The following SYNE1 variants were observed in gnomAD, a reference collection of about 807,000 sequenced individuals.
The protein encoded by SYNE1 is nesprin-1.
In SYNE1, 616 loss-of-function variants were observed where a neutral mutation model predicts 1,111.0. The ratio of observed to expected loss-of-function variants is 0.55; its 90% CI spans 0.52 to 0.59. The LOEUF (loss-of-function observed/expected upper bound fraction) is 0.59, where lower values mean the gene tolerates loss of function less well. Ranked by LOEUF, SYNE1 falls within the 20% of genes least tolerant of loss-of-function variation. SYNE1 has a pLI of 0.00. For missense variants in SYNE1, 10,006 were observed against 10,417.0 expected, an observed-to-expected ratio of 0.96 and a Z score of 1.72; for synonymous variants, 3,855 against 3,825.8, an observed-to-expected ratio of 1.01 and a Z score of -0.28.
chr6:152,578,192 T>C (rs984262508), intron 3 of SYNE1, among the ~76,000 whole-genome samples: 9 of 152,196 alleles, frequency 5.9e-5, no homozygotes, highest in African/African-American at 1.7e-4. Context: ...ATGAAATATT[T>C]ACAGATTCAC....
At chr6:152,618,410 G>A (rs923024237) in intron 3 of SYNE1, among the ~76,000 whole-genome samples, 1 of 152,044 alleles carries the variant, frequency 6.6e-6, no homozygotes, top group African/African-American at 2.4e-5. Flanking sequence ...CACCAAGATA[G>A]GTCCTGAGAA....
chr6:152,536,014 T>G (rs2099234116), intron 4 of SYNE1, among the ~76,000 whole-genome samples: 1 of 152,106 alleles, frequency 6.6e-6, no homozygotes, highest in Non-Finnish European at 1.5e-5. Context: ...ATGCCACCTC[T>G]GTCTTCATCT....
chr6:152,433,456 T>G (rs1563984884), intron 34 of SYNE1: 1 of 330,918 alleles, frequency 3.0e-6, no homozygotes, highest in East Asian at 7.2e-5. Flanking sequence ...ACAGGATGAA[T>G]ACATTTCATG....
At chr6:152,536,431 A>AT (rs1399814997) in intron 4 of SYNE1, among the ~76,000 whole-genome samples, 1 of 137,034 alleles carries the variant, frequency 7.3e-6, no homozygotes, top group Admixed American at 7.6e-5. Flanking sequence ...ATTTATATAT[A>AT]TAACTATATA....
intron 61 of SYNE1, chr6:152,368,128 C>T (rs1377645716): frequency 6.5e-6 from 1 of 152,678 alleles, no homozygotes; most frequent in Non-Finnish European, 1.5e-5. Context: ...ATTGAAGACC[C>T]AAATGAGCAG....
At chr6:152,471,345 T>C (rs1183010675) in intron 16 of SYNE1, among the ~76,000 whole-genome samples, 1 of 152,192 alleles carries the variant, frequency 6.6e-6, no homozygotes, top group Admixed American at 6.6e-5. Flanking sequence ...CCAGTCAGGA[T>C]GGTCCCATAT....
chr6:152,597,331 G>A (rs920608822), intron 3 of SYNE1, among the ~76,000 whole-genome samples: 2 of 152,182 alleles, frequency 1.3e-5, no homozygotes, highest in Admixed American at 6.5e-5. Context: ...AGGCTGGAGG[G>A]CAGTGACATG....
At chr6:152,622,559 A>G (rs2099677879) in intron 3 of SYNE1, among the ~76,000 whole-genome samples, 3 of 151,950 alleles carry the variant, frequency 2.0e-5, no homozygotes, top group East Asian at 3.9e-4. Flanking sequence ...AAGGATAATG[A>G]CCTCTAGCTC....
rs902583998 is a variant in SYNE1 at position 152,628,297 on chromosome 6, C to G, written c.35G>C (p.Arg12Pro). The G allele has an allele frequency of 6.2e-7, 1 of 1,614,014 alleles. No homozygotes were observed. ...ATSRGASRCP[R>P]DIANVMQRLQ... is the part of the protein sequence containing the mutation. Reference sequence around the variant, plus strand: ...CCTCTGCATCACATTGGCGATATCCCGAGGACACCGGGAGGCCCCTCTGGA... The same window carrying G: ...CCTCTGCATCACATTGGCGATATCCGGAGGACACCGGGAGGCCCCTCTGGA... Residue 12 changes from arginine (R) to proline (P), a missense_variant, in exon 3 of 146, where the codon CGG becomes CCG. Physicochemically the swap from Arg to Pro is moderately radical, Grantham distance 103. Coordinates refer to ENST00000367255, the MANE Select transcript of SYNE1 (RefSeq NM_182961.4).
chr6:152,175,354 G>T (rs1290449836), intron 130 of SYNE1, among the ~76,000 whole-genome samples: 2 of 152,274 alleles, frequency 1.3e-5, no homozygotes, highest in African/African-American at 4.8e-5. Flanking sequence ...CAGCATACAG[G>T]GTTGTGGTGC....
intron 4 of SYNE1, among the ~76,000 whole-genome samples, chr6:152,529,242 A>T (rs192370701): frequency 6.6e-6 from 1 of 152,370 alleles, no homozygotes; most frequent in Non-Finnish European, 1.5e-5. Context: ...TGGAATTTAT[A>T]TATTGTATGT....
intron 115 of SYNE1, among the ~76,000 whole-genome samples, chr6:152,226,770 C>G (rs1456660078): frequency 6.6e-6 from 1 of 152,094 alleles, no homozygotes; most frequent in South Asian, 2.1e-4. Flanking sequence ...GATTAGAACC[C>G]AGTCTTTGGA....
intron 3 of SYNE1, among the ~76,000 whole-genome samples, chr6:152,603,175 C>G (rs2128669329): frequency 6.6e-6 from 1 of 152,258 alleles, no homozygotes; most frequent in Non-Finnish European, 1.5e-5. Context: ...ACTTCTCACT[C>G]TCACTCACAG....
intron 145 of SYNE1, among the ~76,000 whole-genome samples, chr6:152,123,502 C>T (rs960381363): frequency 6.6e-6 from 1 of 152,160 alleles, no homozygotes; most frequent in Admixed American, 6.5e-5. Context: ...AGATTGAGTA[C>T]AGGTTTCAGA....
At chr6:152,272,946 T>G (rs76768706) in intron 98 of SYNE1, among the ~76,000 whole-genome samples, 4 of 152,200 alleles carry the variant, frequency 2.6e-5, no homozygotes, top group African/African-American at 9.7e-5. Flanking sequence ...GCAATAATAA[T>G]GTAAACAGGG....
chr6:152,418,495 T>A (rs1166534123), intron 40 of SYNE1, among the ~76,000 whole-genome samples: 1 of 152,366 alleles, frequency 6.6e-6, no homozygotes, highest in South Asian at 2.1e-4. Flanking sequence ...AATGTTGCTA[T>A]ATGCGTACTA....
Position 152,543,269 on chromosome 6 carries a change from A to G in SYNE1, c.68-3248T>C, listed in dbSNP as rs148007838. On this transcript the variant is annotated intron_variant, in intron 3 of 145. Transcript: ENST00000367255. ...TTCCTTTTTTACTATGGTTGCAAAA[A>G]CAGATTTTACTAGGTCCTACAATTC... Among the ~76,000 whole-genome samples, 372 of 152,210 alleles carry G rather than the reference A, an allele frequency of 2.4e-3. 4 individuals carry two copies. Among genetic ancestry groups the G allele is most frequent in the South Asian group, 0.02 (97 of 4,824 alleles).
At chr6:152,226,248 C>A (rs1414216024) in intron 115 of SYNE1, among the ~76,000 whole-genome samples, 1 of 152,128 alleles carries the variant, frequency 6.6e-6, no homozygotes, top group Non-Finnish European at 1.5e-5. Context: ...CTGCCTACCT[C>A]ATAGGAAGAA....
chr6:152,176,710 A>G (rs1216701496), intron 129 of SYNE1, 150 bp from the exon 130 acceptor site: 4 of 786,734 alleles, frequency 5.1e-6, no homozygotes, highest in African/African-American at 1.7e-5. Flanking sequence ...CCATGTGCAC[A>G]AGTATTAGTA....
Sources: allele counts gnomAD v4.1 joint callset (sites outside exome capture counted in the v4.1 genomes callset), GRCh38; gene constraint gnomAD v4.1.1; transcripts MANE v1.5; gene names NCBI Gene and HGNC (gene_info 2026-07-23, HGNC 2026-07-21).